The following RYR2 variants were observed in gnomAD, a reference collection of about 807,000 sequenced individuals.
The protein encoded by RYR2 is ryanodine receptor 2.
RYR2 carries 227 observed loss-of-function variants against 601.1 expected under a neutral mutation model. That is an observed-to-expected ratio of 0.38 (90% CI 0.34 to 0.42). The LOEUF (loss-of-function observed/expected upper bound fraction) is 0.42. Among genes scored for constraint, RYR2 ranks in the 10% least tolerant of loss-of-function variants. The probability of loss-of-function intolerance (pLI) is 1.00; values close to 1 mark genes in which losing one functional copy is unlikely to be tolerated. For missense variants in RYR2, 4,646 were observed against 6,156.5 expected (o/e 0.75, Z 8.21); for synonymous variants, 2,223 against 2,175.1 (o/e 1.02, Z -0.61).
intron 80 of RYR2, among the ~76,000 whole-genome samples, chr1:237,749,075 A>G (rs1164488974): frequency 6.6e-6 from 1 of 152,252 alleles, no homozygotes; most frequent in Non-Finnish European, 1.5e-5. Context: ...CCCCACAGAT[A>G]CTAGGAGACA....
intron 3 of RYR2, 143 bp from the exon 4 acceptor site, chr1:237,355,822 G>C (rs1699244826): frequency 5.8e-6 from 4 of 691,276 alleles, no homozygotes; most frequent in Non-Finnish European, 9.7e-6. Flanking sequence ...TGAAAAACTT[G>C]AATACAATTT....
At position 237,655,850 on chromosome 1, in the gene RYR2, A is replaced by G; in HGVS notation, c.7995A>G (p.Ala2665=). The change falls in exon 53 of 105, where the codon GCA becomes GCG. Residue 2665 remains alanine, a synonymous_variant. Coordinates refer to ENST00000366574, the MANE Select transcript of RYR2 (RefSeq NM_001035.3). ...KKYEQELFKL[A]LPCLSAVAGA... is the part of the protein sequence containing the mutation. ...ATGAACAAGAACTTTTCAAACTGGC[A>G]CTGCCTTGCCTGAGTGCAGTTGCGG... 1 of 1,604,842 alleles carries G rather than the reference A, an allele frequency of 6.2e-7. No individual in the cohort carries two copies. The highest frequency in any genetic ancestry group is 1.1e-5 in the South Asian group (1 of 89,038).
intron 84 of RYR2, among the ~76,000 whole-genome samples, chr1:237,763,737 G>A (rs1693616042): frequency 6.6e-6 from 1 of 152,150 alleles, no homozygotes; most frequent in African/African-American, 2.4e-5. Context: ...GACCTATTAG[G>A]AGCATATGTA....
chr1:237,450,271 C>T (rs2086209), intron 14 of RYR2, among the ~76,000 whole-genome samples: 74,888 of 151,908 alleles, frequency 0.49, 19,673 homozygotes, highest in East Asian at 0.78. Context: ...TGTGAGCCCT[C>T]TCCTCTCTGT....
At chr1:237,717,429 A>C in intron 72 of RYR2, 61 bp downstream of exon 72, 1 of 1,374,784 alleles carries the variant, frequency 7.3e-7, no homozygotes. Context: ...TCAGTGTTTG[A>C]TTCCTTTGTC....
In RYR2 at chr1:237,650,116, C is replaced by A. The variant is rs1682577679; in HGVS notation, c.7733+19C>A. On this transcript the variant is annotated intron_variant, in intron 50 of 104. Coordinates refer to ENST00000366574, the MANE Select transcript of RYR2 (RefSeq NM_001035.3). ...TTTGTGGGTGAGTGGATAACAAATT[C>A]TATTCCGGCTTCTTCTTTAAAAAAC... 3 of 1,588,962 alleles carry A rather than the reference C, an allele frequency of 1.9e-6. No individual in the cohort carries two copies. The highest frequency in any genetic ancestry group is 1.1e-5 in the South Asian group (1 of 89,388).
At chr1:237,460,162 C>A (rs1013486301) in intron 16 of RYR2, among the ~76,000 whole-genome samples, 2 of 152,178 alleles carry the variant, frequency 1.3e-5, no homozygotes, top group Admixed American at 1.3e-4. Flanking sequence ...GCTGTCAGCT[C>A]CTAGTACTGC....
chr1:237,058,896 A>T (rs1662509623), intron 1 of RYR2, among the ~76,000 whole-genome samples: 1 of 152,194 alleles, frequency 6.6e-6, no homozygotes, highest in South Asian at 2.1e-4. Context: ...GATAAAAAAA[A>T]AACCTGCCAT....
intron 3 of RYR2, among the ~76,000 whole-genome samples, chr1:237,349,559 G>A (rs971794729): frequency 6.6e-6 from 1 of 152,154 alleles, no homozygotes; most frequent in South Asian, 2.1e-4. Flanking sequence ...TTAATGCCTT[G>A]TGGGGTTTAA....
At chr1:237,276,838 C>T (rs1188395672) in intron 2 of RYR2, among the ~76,000 whole-genome samples, 6 of 152,102 alleles carry the variant, frequency 3.9e-5, no homozygotes, top group Non-Finnish European at 7.4e-5. Context: ...ACAAGACACG[C>T]GCCAAGGTCG....
chr1:237,110,901 A>G (rs997210555), intron 1 of RYR2, among the ~76,000 whole-genome samples: 2 of 152,178 alleles, frequency 1.3e-5, no homozygotes, highest in Non-Finnish European at 2.9e-5. Flanking sequence ...TTTAATCTCT[A>G]CCACAACCCT....
At chr1:237,631,666 T>A in intron 42 of RYR2, 125 bp downstream of exon 42, 1 of 472,878 alleles carries the variant, frequency 2.1e-6, no homozygotes, top group South Asian at 2.9e-5. Flanking sequence ...GCTCACTCTG[T>A]CGCCCAGGCT....
At chr1:237,253,632 A>C (rs376090482) in intron 1 of RYR2, among the ~76,000 whole-genome samples, 1 of 152,194 alleles carries the variant, frequency 6.6e-6, no homozygotes, top group South Asian at 2.1e-4. Flanking sequence ...TTGAACTGAA[A>C]TTTGCTGTTT....
chr1:237,209,497 A>ATGTGTGTGTGTGTGTG (rs55861841), intron 1 of RYR2, among the ~76,000 whole-genome samples: 22,982 of 143,164 alleles, frequency 0.16, 2,135 homozygotes, highest in Non-Finnish European at 0.2. Flanking sequence ...ATCTGCATAT[A>ATGTGTGTGTGTGTGTG]TGTGTGTGTG....
chr1:237,507,890 A>G (rs1387440213), intron 23 of RYR2, among the ~76,000 whole-genome samples: 1 of 152,262 alleles, frequency 6.6e-6, no homozygotes, highest in Non-Finnish European at 1.5e-5. Context: ...GGATGCTTTT[A>G]TTAACTAAAT....
chr1:237,153,489 A>G (rs765705739), intron 1 of RYR2, among the ~76,000 whole-genome samples: 4 of 152,188 alleles, frequency 2.6e-5, no homozygotes, highest in South Asian at 2.1e-4. Context: ...TAATATTTCT[A>G]TAAAATAACT....
intron 78 of RYR2, among the ~76,000 whole-genome samples, chr1:237,733,234 A>G (rs1027711986): frequency 1.3e-5 from 2 of 152,206 alleles, no homozygotes; most frequent in African/African-American, 4.8e-5. Context: ...CTTCTCAAAA[A>G]GAAGATAATA....
chr1:237,059,943 GTTC>G (rs1281643980), intron 1 of RYR2, among the ~76,000 whole-genome samples: 1 of 152,124 alleles, frequency 6.6e-6, no homozygotes, highest in African/African-American at 2.4e-5. Context: ...TACTTAAAGC[GTTC>G]TTCTTCATTT....
intron 1 of RYR2, chr1:237,267,646 T>C (rs1197152437): frequency 3.8e-6 from 1 of 265,706 alleles, no homozygotes; most frequent in South Asian, 3.0e-5. Context: ...GTGGCTCATA[T>C]TGAGAGCTTC....
Sources: gnomAD v4.1 joint callset for allele counts (sites outside exome capture counted in the v4.1 genomes callset) on GRCh38, gnomAD v4.1.1 for gene constraint, MANE v1.5 for transcripts, NCBI Gene and HGNC (gene_info 2026-07-23, HGNC 2026-07-21) for gene names.